The following CEP162 variants were observed in gnomAD, a reference collection of about 807,000 sequenced individuals.
CEP162 encodes the protein centrosomal protein 162, also known as centrosomal protein of 162 kDa.
In CEP162, 141 loss-of-function variants were observed where a neutral mutation model predicts 169.2. The observed-to-expected ratio is 0.83, with a 90% CI of 0.73 to 0.96. The LOEUF (loss-of-function observed/expected upper bound fraction) is 0.96, where lower values mean the gene tolerates loss of function less well. CEP162 is among the 40% of genes least tolerant of loss of function. CEP162 has a pLI of 0.00. For missense variants in CEP162, 1,600 were observed against 1,587.2 expected, an observed-to-expected ratio of 1.01 and a Z score of -0.14; for synonymous variants, 540 against 526.4, an observed-to-expected ratio of 1.03 and a Z score of -0.35.
chr6:84,187,872 C>T (rs1027992150), intron 11 of CEP162, among the ~76,000 whole-genome samples: 16 of 152,094 alleles, frequency 1.1e-4, no homozygotes, highest in African/African-American at 3.9e-4. Flanking sequence ...TACCAAAAAA[C>T]TGATGAGCTC....
intron 20 of CEP162, 144 bp downstream of exon 20, chr6:84,161,602 T>C: frequency 1.5e-6 from 1 of 670,626 alleles, no homozygotes; most frequent in Non-Finnish European, 2.5e-6. Context: ...AAATAGACTA[T>C]ATATCTAAAA....
chr6:84,189,059 C>CT (rs1038712619), intron 11 of CEP162, among the ~76,000 whole-genome samples: 121 of 146,890 alleles, frequency 8.2e-4, no homozygotes, highest in African/African-American at 1.4e-3. Context: ...TCCTTGCCCA[C>CT]TTTTTTTTTT....
At position 84,147,639 on chromosome 6, in the gene CEP162, A is replaced by AAAAT. The variant is rs2099519492; in HGVS notation, c.3772-858_3772-855dup. On this transcript the variant is annotated intron_variant, in intron 24 of 26. Transcript: ENST00000403245. The stretch of plus-strand genomic sequence containing the variant: ...CATTATATATCAATAAAAGGGGGGG[A>AAAAT]AAATAAATATGAACATTTTTCATGA... Among the ~76,000 whole-genome samples the AAAAT allele has an allele frequency of 7.9e-5, 12 of 152,220 alleles. No homozygotes were observed. In the South Asian group the frequency reaches 2.5e-3, roughly 32 times the overall value.
intron 6 of CEP162, among the ~76,000 whole-genome samples, chr6:84,207,916 T>C (rs1006969009): frequency 2.0e-5 from 3 of 152,166 alleles, no homozygotes; most frequent in Non-Finnish European, 4.4e-5. Context: ...TAATATTTAT[T>C]TTTAAAAGAC....
intron 9 of CEP162, among the ~76,000 whole-genome samples, chr6:84,197,391 G>A (rs892871219): frequency 1.3e-5 from 2 of 152,020 alleles, no homozygotes; most frequent in African/African-American, 4.8e-5. Context: ...ATGAAAAGGG[G>A]TTGTAACTTT....
intron 16 of CEP162, among the ~76,000 whole-genome samples, chr6:84,173,133 G>A (rs1232927360): frequency 6.6e-6 from 1 of 152,130 alleles, no homozygotes; most frequent in Non-Finnish European, 1.5e-5. Context: ...AGCATTACAG[G>A]AAACTAAGAA....
At position 84,160,811 on chromosome 6, in the gene CEP162, C is replaced by G; in HGVS notation, c.2781+1G>C. On this transcript the variant is annotated splice_donor_variant, in intron 21 of 26. Coordinates refer to ENST00000403245, the MANE Select transcript of CEP162 (RefSeq NM_014895.4). LOFTEE classifies it high-confidence loss of function. ...CATGAAAATTTACCCTGAACACATA[C>G]TTGTCGCTCCAGATCCTGAATTTTT... 5 of 1,586,652 alleles carry G rather than the reference C, an allele frequency of 3.2e-6. No homozygotes were observed. The highest frequency in any genetic ancestry group is 4.3e-6 in the Non-Finnish European group (5 of 1,155,472).
In CEP162 at chr6:84,215,777, A is replaced by G; in HGVS notation, c.318T>C (p.Asn106=). The G allele has an allele frequency of 1.3e-6, 2 of 1,584,136 alleles. No individual in the cohort carries two copies. Among genetic ancestry groups the G allele is most frequent in the South Asian group, 2.3e-5 (2 of 86,668 alleles). ...SLLSTDSLET[N]ELVVSELNHS... ...ACTCATATCCCTTGCATTTCTTACC[A>G]TTTGTTTCTAAGCTATCAGTACTTA... Residue 106 remains asparagine (N), a splice_region_variant and synonymous_variant, in exon 4 of 27, where the codon AAT becomes AAC. Transcript: ENST00000403245.
At chr6:84,180,296 C>T (rs2099534227) in intron 13 of CEP162, among the ~76,000 whole-genome samples, 1 of 151,674 alleles carries the variant, frequency 6.6e-6, no homozygotes, top group African/African-American at 2.4e-5. Flanking sequence ...ATTCAACAGC[C>T]CTTCATGCTA....
intron 24 of CEP162, among the ~76,000 whole-genome samples, chr6:84,147,847 CTG>C (rs935898815): frequency 6.6e-6 from 1 of 152,044 alleles, no homozygotes; most frequent in Non-Finnish European, 1.5e-5. Flanking sequence ...TTTAGGTAAA[CTG>C]AAATATATGA....
At chr6:84,151,861 T>C (rs953129696) in intron 23 of CEP162, among the ~76,000 whole-genome samples, 3 of 152,100 alleles carry the variant, frequency 2.0e-5, no homozygotes, top group Admixed American at 1.3e-4. Context: ...AAGCTCATTA[T>C]TGAGACCAGG....
chr6:84,164,252 G>C (rs758547259), intron 18 of CEP162, among the ~76,000 whole-genome samples: 5 of 152,192 alleles, frequency 3.3e-5, no homozygotes, highest in Non-Finnish European at 7.3e-5. Context: ...CTGTTGGTGG[G>C]AGCGTAAATT....
In CEP162 at chr6:84,215,782, T is replaced by C. The variant is rs771976836; in HGVS notation, c.313A>G (p.Thr105Ala). ...TSLLSTDSLE[T>A]NELVVSELNH... ...TATCCCTTGCATTTCTTACCATTTG[T>C]TTCTAAGCTATCAGTACTTAAGAGA... The change falls in exon 4 of 27, where the codon ACA becomes GCA. Residue 105 changes from threonine (T) to alanine (A), a missense_variant. Physicochemically the swap from Thr to Ala is moderately conservative, Grantham distance 58. Coordinates refer to ENST00000403245, the MANE Select transcript of CEP162 (RefSeq NM_014895.4). 3.2e-6 allele frequency: 5 copies of C among 1,586,792 alleles called. No individual in the cohort carries two copies. The Admixed American group carries it at 8.9e-5, about 28-fold the overall frequency.
At chr6:84,143,454 T>C (rs2099517533) in intron 25 of CEP162, among the ~76,000 whole-genome samples, 1 of 151,920 alleles carries the variant, frequency 6.6e-6, no homozygotes, top group Non-Finnish European at 1.5e-5. Context: ...ATGCAAAATA[T>C]ACAAGGAAAA....
At chr6:84,159,294 T>C (rs2099524498) in intron 21 of CEP162, among the ~76,000 whole-genome samples, 1 of 149,982 alleles carries the variant, frequency 6.7e-6, no homozygotes, top group Admixed American at 6.7e-5. Context: ...AAAAGGGAGG[T>C]TACTTTTATA....
chr6:84,173,149 A>G (rs551467441), intron 16 of CEP162, among the ~76,000 whole-genome samples: 1 of 152,368 alleles, frequency 6.6e-6, no homozygotes, highest in Non-Finnish European at 1.5e-5. Flanking sequence ...AAGAAAAGAT[A>G]GGACAGTTTT....
intron 3 of CEP162, among the ~76,000 whole-genome samples, chr6:84,218,530 T>C (rs1345025716): frequency 6.6e-6 from 1 of 152,226 alleles, no homozygotes; most frequent in Admixed American, 6.5e-5. Flanking sequence ...TAATGTTTTA[T>C]TTTTGTTTTT....
At chr6:84,209,177 C>T (rs1007741309) in intron 6 of CEP162, among the ~76,000 whole-genome samples, 1 of 152,264 alleles carries the variant, frequency 6.6e-6, no homozygotes, top group Non-Finnish European at 1.5e-5. Context: ...GCTGTAGAAC[C>T]ACTGGCAGGC....
At chr6:84,156,773 A>ACACACACACACACAC (rs57139625) in intron 21 of CEP162, among the ~76,000 whole-genome samples, 79 of 137,416 alleles carry the variant, frequency 5.7e-4, no homozygotes, top group African/African-American at 2.2e-3. Flanking sequence ...CACACACACA[A>ACACACACACACACAC]ACACACTATT....
Sources: allele counts gnomAD v4.1 joint callset (sites outside exome capture counted in the v4.1 genomes callset), GRCh38; gene constraint gnomAD v4.1.1; transcripts MANE v1.5; gene names NCBI Gene and HGNC (gene_info 2026-07-23, HGNC 2026-07-21).